ITGA7: variants seen among roughly 807,000 people sequenced by gnomAD.
The protein encoded by ITGA7 is integrin subunit alpha 7.
A neutral mutation model predicts 131.6 loss-of-function variants in ITGA7; 84 were observed. That is an observed-to-expected ratio of 0.64 (90% CI 0.54 to 0.77). ITGA7 has a LOEUF of 0.77. Ranked by LOEUF, ITGA7 falls within the 30% of genes least tolerant of loss-of-function variation. ITGA7 has a pLI of 0.00. For synonymous variants in ITGA7, 548 were observed against 600.7 expected (o/e 0.91, Z 1.28); for missense variants, 1,399 against 1,482.9 (o/e 0.94, Z 0.93).
At chr12:55,699,195 G>C (rs1339113539) in intron 5 of ITGA7, among the ~76,000 whole-genome samples, 1 of 152,218 alleles carries the variant, frequency 6.6e-6, no homozygotes, top group Non-Finnish European at 1.5e-5. Context: ...AGTGAGGTCA[G>C]CCTCAGGGAC....
At chr12:55,693,104 T>C in intron 20 of ITGA7, 37 bp downstream of exon 20, 1 of 1,611,964 alleles carries the variant, frequency 6.2e-7, no homozygotes, top group Non-Finnish European at 8.5e-7. Flanking sequence ...ATAACATCTG[T>C]CCCCACATCT....
intron 21 of ITGA7, among the ~76,000 whole-genome samples, chr12:55,689,443 T>C (rs1249522790): frequency 1.3e-5 from 2 of 152,172 alleles, no homozygotes. Context: ...GCCACACCCC[T>C]GCCCTAAACC....
Position 55,694,632 on chromosome 12 carries a change from T to C in ITGA7, c.2260A>G (p.Met754Val). The stretch of plus-strand genomic sequence containing the variant: ...GTGCCAACCTGGGCACCTCTCTTCA[T>C]GGGGTTCCCCAGCTCACACTCAACA... ...SHVECELGNP[M>V]KRGAQVTFYL... The change falls in exon 16 of 25, where the codon ATG (methionine) becomes GTG (valine). Residue 754 changes from methionine to valine, a missense_variant. Coordinates refer to ENST00000257879, the MANE Select transcript of ITGA7 (RefSeq NM_002206.3). The surrounding 1 kb of genome is among the most constrained non-coding windows in gnomAD (Gnocchi z 5.3). 1 of 1,614,110 alleles carries C rather than the reference T, an allele frequency of 6.2e-7. No individual in the cohort carries two copies. Among genetic ancestry groups the C allele is most frequent in the Non-Finnish European group, 8.5e-7 (1 of 1,179,994 alleles).
At position 55,707,747 on chromosome 12, in the gene ITGA7, TC is replaced by T. The variant is rs1875547928; in HGVS notation, c.-66del. The T allele has an allele frequency of 6.5e-6, 10 of 1,545,934 alleles. No individual in the cohort carries two copies. In the South Asian group the frequency reaches 1.2e-4, roughly 18 times the overall value. ...AATCTCGCACGCCCCAAGCCCCAGG[TC>T]CCCCCAGGCGCGTCTCTGGTCTCCA... On this transcript the variant is annotated 5_prime_UTR_variant, in exon 1 of 25. Transcript: ENST00000257879.
At chr12:55,713,283 G>A (rs972179213), upstream of ITGA7, among the ~76,000 whole-genome samples, 2 of 152,104 alleles carry the variant, frequency 1.3e-5, no homozygotes, top group African/African-American at 2.4e-5. Context: ...CCCTTCTCTG[G>A]AGCAGAGCCT....
upstream of ITGA7, chr12:55,716,342 C>CT (rs1592514262): frequency 6.8e-7 from 1 of 1,475,458 alleles, no homozygotes; most frequent in Non-Finnish European, 9.0e-7. Flanking sequence ...TTCAGAGAGG[C>CT]TTTTTTTGAA....
upstream of ITGA7, among the ~76,000 whole-genome samples, chr12:55,713,024 A>AC (rs149545055): frequency 1.1e-3 from 165 of 150,120 alleles, no homozygotes; most frequent in Non-Finnish European, 1.8e-3. Flanking sequence ...CACTTTTGAG[A>AC]CCCCCCCAAC....
chr12:55,700,952 G>A lies in ITGA7; in HGVS notation c.617C>T (p.Ser206Phe). The A allele has an allele frequency of 1.9e-6, 3 of 1,614,254 alleles. No individual in the cohort carries two copies. The highest frequency in any genetic ancestry group is 2.5e-6 in the Non-Finnish European group (3 of 1,180,038). The change falls in exon 4 of 25, where the codon TCC (serine) becomes TTC (phenylalanine). Residue 206 changes from serine to phenylalanine, a missense_variant. Ser to Phe is a radical substitution (Grantham distance 155, BLOSUM62 -2). Transcript: ENST00000257879. Reference protein sequence around the residue: ...FCQQGTAAAFSPDSHYLLFGA... With the variant: ...FCQQGTAAAFFPDSHYLLFGA... ...AAAGAGGAGGTAGTGGCTATCAGGG[G>A]AGAAGGCGGCAGCTGTGCCCTGCTG...
intron 1 of ITGA7, among the ~76,000 whole-genome samples, chr12:55,703,738 C>T (rs1211899156): frequency 6.6e-6 from 1 of 152,190 alleles, no homozygotes; most frequent in African/African-American, 2.4e-5. Context: ...GCAAAGACCC[C>T]ACCTCCCAGA....
intron 3 of ITGA7, among the ~76,000 whole-genome samples, chr12:55,702,280 C>A (rs907655639): frequency 6.6e-5 from 10 of 151,832 alleles, no homozygotes; most frequent in Non-Finnish European, 1.3e-4. Flanking sequence ...CTCCGGTTCA[C>A]GCCATTCTCC....
chr12:55,716,099 G>A, upstream of ITGA7: 1 of 1,597,196 alleles, frequency 6.3e-7, no homozygotes, highest in South Asian at 1.1e-5. Context: ...GGAGCCGGAG[G>A]GGGCCCGGCG....
chr12:55,701,037 C>T lies in ITGA7; in HGVS notation c.532G>A (p.Gly178Ser). 6.2e-7 allele frequency: 1 copy of T among 1,614,224 alleles called. No homozygotes were observed. ...QDLAIRDELD[G>S]GEWKFCEGRP... is the part of the protein sequence containing the mutation. Reference sequence around the variant, plus strand: ...CCCTCACAGAACTTCCATTCCCCACCATCCAACTCATCCCGGATGGCCAGG... The same window carrying T: ...CCCTCACAGAACTTCCATTCCCCACTATCCAACTCATCCCGGATGGCCAGG... The change falls in exon 4 of 25, where the codon GGT becomes AGT. Residue 178 changes from glycine (G) to serine (S), a missense_variant. Physicochemically the swap from Gly to Ser is moderately conservative, Grantham distance 56. Coordinates refer to ENST00000257879, the MANE Select transcript of ITGA7 (RefSeq NM_002206.3).
At chr12:55,708,105 C>T (rs1470802027), upstream of ITGA7, 1 of 909,292 alleles carries the variant, frequency 1.1e-6, no homozygotes, top group African/African-American at 1.8e-5. Flanking sequence ...CCCTGCGCGG[C>T]GCTCTCCTCC....
upstream of ITGA7, among the ~76,000 whole-genome samples, chr12:55,711,309 C>T (rs1318364744): frequency 1.3e-5 from 2 of 152,098 alleles, no homozygotes; most frequent in Non-Finnish European, 2.9e-5. Flanking sequence ...AAAAACCCAT[C>T]TCTACTAAAA....
chr12:55,698,755 G>C lies in ITGA7; in HGVS notation c.953C>G (p.Ser318Cys). ...CACAGCCAGTGAGTAGCCAAAGCCG[G>C]AGGTCAGGCGCTCCCCAGACAGCAT... ...EVMLSGERLT[S>C]GFGYSLAVAD... The change falls in exon 6 of 25, where the codon TCC (serine) becomes TGC (cysteine). Residue 318 changes from serine to cysteine, a missense_variant. Ser to Cys is a moderately radical substitution (Grantham distance 112, BLOSUM62 -1). Coordinates refer to ENST00000257879, the MANE Select transcript of ITGA7 (RefSeq NM_002206.3). The C allele has an allele frequency of 6.2e-7, 1 of 1,614,134 alleles. No individual in the cohort carries two copies. The highest frequency in any genetic ancestry group is 8.5e-7 in the Non-Finnish European group (1 of 1,180,022).
At position 55,701,085 on chromosome 12, in the gene ITGA7, G is replaced by C; in HGVS notation, c.484C>G (p.Arg162Gly). 6.2e-7 allele frequency: 1 copy of C among 1,614,152 alleles called. No homozygotes were observed. Among genetic ancestry groups the C allele is most frequent in the Non-Finnish European group, 8.5e-7 (1 of 1,180,020 alleles). Reference protein sequence around the residue: ...QILETRDMIGRCFVLSQDLAI... With the variant: ...QILETRDMIGGCFVLSQDLAI... ...AGGTCCTGGCTGAGCACAAAGCAGCGACCAATCATATCCCGCGTCTCCAGG... is the reference window on the plus strand; with the variant it reads ...AGGTCCTGGCTGAGCACAAAGCAGCCACCAATCATATCCCGCGTCTCCAGG... The change falls in exon 4 of 25, where the codon CGC becomes GGC. Residue 162 changes from arginine to glycine, a missense_variant. Arg to Gly is a moderately radical substitution (Grantham distance 125). Transcript: ENST00000257879.
chr12:55,716,256 G>T, upstream of ITGA7: 1 of 1,555,656 alleles, frequency 6.4e-7, no homozygotes, highest in Non-Finnish European at 8.7e-7. Flanking sequence ...TCAGCCCGGA[G>T]CCTGGATCTC....
intron 9 of ITGA7, 37 bp downstream of exon 9, chr12:55,697,658 A>G (rs1872944902): frequency 6.8e-6 from 11 of 1,613,986 alleles, no homozygotes; most frequent in Non-Finnish European, 9.3e-6. Flanking sequence ...GGAGGGGCTG[A>G]CGGCCTCAGG....
Position 55,695,497 on chromosome 12 carries a change from C to T in ITGA7, c.2003+25G>A. ...TCCTTGAACTCTTGCCCTCCCACCC[C>T]CACCCTGCTCTCTGCCCCCCTCACA... is the stretch of plus-strand genomic sequence containing the variant. On this transcript the variant is annotated intron_variant, in intron 14 of 24. Coordinates refer to ENST00000257879, the MANE Select transcript of ITGA7 (RefSeq NM_002206.3). 3 of 1,259,136 alleles carry T rather than the reference C, an allele frequency of 2.4e-6. No homozygotes were observed. The African/African-American group carries it at 4.4e-5, about 18-fold the overall frequency. The allele number at this position is 1,259,136 out of a possible 1,614,324, so 78.0% of individuals were successfully genotyped here.
Sources: gnomAD v4.1 joint callset for allele counts (sites outside exome capture counted in the v4.1 genomes callset) on GRCh38, gnomAD v4.1.1 for gene constraint, Gnocchi (gnomAD v3.1) non-coding constraint, MANE v1.5 for transcripts, NCBI Gene and HGNC (gene_info 2026-07-23, HGNC 2026-07-21) for gene names.